The following CCDC152 variants were observed in gnomAD, a reference collection of about 807,000 sequenced individuals.
CCDC152 encodes the protein coiled-coil domain-containing protein 152.
A neutral mutation model predicts 38.1 loss-of-function variants in CCDC152; 37 were observed. That is an observed-to-expected ratio of 0.97 (90% CI 0.75 to 1.28). The LOEUF is 1.28. Ranked by LOEUF, CCDC152 falls within the 50% of genes most tolerant of loss-of-function variation. The pLI is 0.00. For missense variants in CCDC152, 259 were observed against 292.1 expected (o/e 0.89, Z 0.83); for synonymous variants, 83 against 87.1 (o/e 0.95, Z 0.26).
chr5:42,765,413 A>G (rs1444367943), intron 3 of CCDC152, among the ~76,000 whole-genome samples: 1 of 152,148 alleles, frequency 6.6e-6, no homozygotes, highest in Admixed American at 6.6e-5. Flanking sequence ...AGAAAAAACA[A>G]TCTGAAAATT....
At chr5:42,777,391 G>T (rs140982966) in intron 4 of CCDC152, among the ~76,000 whole-genome samples, 233 of 152,112 alleles carry the variant, frequency 1.5e-3, no homozygotes, top group African/African-American at 5.5e-3. Flanking sequence ...GAACCCAGGA[G>T]GGGGAGGTTG....
At chr5:42,764,247 TAAAAATACAAAAA>T (rs56052821) in intron 3 of CCDC152, among the ~76,000 whole-genome samples, 18 of 152,200 alleles carry the variant, frequency 1.2e-4, no homozygotes, top group Admixed American at 2.0e-4. Flanking sequence ...CCGTCTCTAC[TAAAAATACAAAAA>T]TTAGCCGGGC....
At chr5:42,771,534 G>GA (rs35697985) in intron 4 of CCDC152, among the ~76,000 whole-genome samples, 7 of 147,248 alleles carry the variant, frequency 4.8e-5, no homozygotes, top group Admixed American at 1.4e-4. Flanking sequence ...TGGCTACACT[G>GA]AAAAAAAAAG....
chr5:42,776,888 T>C (rs940332729), intron 4 of CCDC152, among the ~76,000 whole-genome samples: 1 of 152,142 alleles, frequency 6.6e-6, no homozygotes, highest in African/African-American at 2.4e-5. Context: ...TTATTAAAAT[T>C]TGTGAAATGC....
intron 4 of CCDC152, among the ~76,000 whole-genome samples, chr5:42,770,892 G>A (rs749769292): frequency 4.6e-5 from 7 of 151,998 alleles, no homozygotes; most frequent in Non-Finnish European, 7.4e-5. Flanking sequence ...TTGCCATTAT[G>A]TATAGGATTG....
intron 4 of CCDC152, among the ~76,000 whole-genome samples, chr5:42,772,581 T>C (rs1261290567): frequency 6.7e-6 from 1 of 149,080 alleles, no homozygotes; most frequent in Non-Finnish European, 1.5e-5. Flanking sequence ...AACCAGGGAG[T>C]TGGAGGTTGC....
chr5:42,790,242 C>T (rs184018544), intron 6 of CCDC152, among the ~76,000 whole-genome samples: 315 of 152,210 alleles, frequency 2.1e-3, no homozygotes, highest in Admixed American at 3.8e-3. Context: ...GAGGCCAAGG[C>T]GGGCGGATTA....
chr5:42,759,707 G>A (rs1202076192), intron 2 of CCDC152, among the ~76,000 whole-genome samples: 2 of 152,180 alleles, frequency 1.3e-5, no homozygotes, highest in African/African-American at 4.8e-5. Flanking sequence ...CCACTTGTCT[G>A]TTAGTCACTT....
intron 2 of CCDC152, 39 bp from the exon 3 acceptor site, chr5:42,762,404 A>G (rs1480152834): frequency 1.9e-6 from 2 of 1,070,956 alleles, no homozygotes; most frequent in East Asian, 2.6e-5. Context: ...AACTAGCAGC[A>G]TTGATTTGTT....
At chr5:42,798,738 A>G (rs1037606734) in intron 7 of CCDC152, among the ~76,000 whole-genome samples, 6 of 152,308 alleles carry the variant, frequency 3.9e-5, no homozygotes, top group Middle Eastern at 3.4e-3. Context: ...AGGCTATGTT[A>G]ACTAAATCTG....
At chr5:42,797,435 T>G (rs963698642) in intron 7 of CCDC152, among the ~76,000 whole-genome samples, 5 of 152,238 alleles carry the variant, frequency 3.3e-5, no homozygotes, top group African/African-American at 1.2e-4. Context: ...TCTTCTAACC[T>G]ATTCTCCAAC....
intron 5 of CCDC152, among the ~76,000 whole-genome samples, chr5:42,781,653 G>A (rs1021669589): frequency 5.9e-5 from 9 of 151,762 alleles, no homozygotes; most frequent in Non-Finnish European, 2.9e-5. Context: ...CCTATTCACT[G>A]GCTCTAGGTT....
At chr5:42,794,419 G>C (rs1760046860) in intron 6 of CCDC152, among the ~76,000 whole-genome samples, 1 of 152,208 alleles carries the variant, frequency 6.6e-6, no homozygotes, top group Non-Finnish European at 1.5e-5. Flanking sequence ...AGCTTAAGAA[G>C]CTGTGGAACC....
intron 5 of CCDC152, among the ~76,000 whole-genome samples, chr5:42,782,308 A>G (rs1759857082): frequency 6.6e-6 from 1 of 152,246 alleles, no homozygotes; most frequent in African/African-American, 2.4e-5. Context: ...GTTTTGGCTT[A>G]TATTGAACAT....
rs1579715252 is a variant in CCDC152, at chr5:42,780,979, A to G, written c.327+1457A>G. Among the ~76,000 whole-genome samples, 3 of 152,228 alleles carry G rather than the reference A, an allele frequency of 2.0e-5. No homozygotes were observed. The East Asian group carries it at 5.8e-4, about 29-fold the overall frequency. On this transcript the variant is annotated intron_variant, in intron 5 of 8. Coordinates refer to ENST00000361970, the MANE Select transcript of CCDC152 (RefSeq NM_001134848.2). ...ATTTTTTAGGAATGGCACAGGCTAA[A>G]GTGGAAGAGAAGATCTAGTGGGATA...
At chr5:42,760,916 T>TA (rs1759543712) in intron 2 of CCDC152, among the ~76,000 whole-genome samples, 1 of 152,232 alleles carries the variant, frequency 6.6e-6, no homozygotes, top group Non-Finnish European at 1.5e-5. Flanking sequence ...GTCATATTCT[T>TA]AAACACTTTA....
chr5:42,765,972 G>A (rs959275444), intron 3 of CCDC152, among the ~76,000 whole-genome samples: 1 of 152,054 alleles, frequency 6.6e-6, no homozygotes, highest in Non-Finnish European at 1.5e-5. Flanking sequence ...AAAGTGAAGA[G>A]ACAACCCACA....
At position 42,800,910 on chromosome 5, in the gene CCDC152, T is replaced by C; in HGVS notation, c.*1129T>C. The C allele has an allele frequency of 6.2e-7, 1 of 1,614,246 alleles. No homozygotes were observed. ...TAAAGATGGGAGGTTTTCTTTACACTGTCAGGTGATTGCAGACCCTGTTTT... is the reference window on the plus strand; with the variant it reads ...TAAAGATGGGAGGTTTTCTTTACACCGTCAGGTGATTGCAGACCCTGTTTT... On this transcript the variant is annotated 3_prime_UTR_variant, in exon 9 of 9. Coordinates refer to ENST00000361970, the MANE Select transcript of CCDC152 (RefSeq NM_001134848.2).
chr5:42,768,514 A>C (rs1389773099), intron 3 of CCDC152, among the ~76,000 whole-genome samples: 1 of 152,176 alleles, frequency 6.6e-6, no homozygotes, highest in Non-Finnish European at 1.5e-5. Context: ...TTGAATGCGC[A>C]TGTCAAGGCT....
Sources: gnomAD v4.1 joint callset for allele counts (sites outside exome capture counted in the v4.1 genomes callset) on GRCh38, gnomAD v4.1.1 for gene constraint, MANE v1.5 for transcripts, NCBI Gene and HGNC (gene_info 2026-07-23, HGNC 2026-07-21) for gene names.